Variants in SLC25A18 observed in about 807,000 individuals in gnomAD.
SLC25A18 encodes mitochondrial glutamate carrier 2.
In SLC25A18, 24 loss-of-function variants were observed where a neutral mutation model predicts 31.1. The observed-to-expected ratio is 0.77, with a 90% CI of 0.56 to 1.08. The LOEUF (loss-of-function observed/expected upper bound fraction) is 1.08. SLC25A18 is among the 50% of genes least tolerant of loss of function. SLC25A18 has a pLI of 0.00. For synonymous variants in SLC25A18, 173 were observed against 161.9 expected (o/e 1.07, Z -0.52); for missense variants, 371 against 418.5 (o/e 0.89, Z 0.99).
chr22:17,565,563 A>G (rs2056915047), intron 1 of SLC25A18, among the ~76,000 whole-genome samples: 1 of 151,814 alleles, frequency 6.6e-6, no homozygotes, highest in African/African-American at 2.4e-5. Context: ...GGTTTTTTTG[A>G]GTAATTTTTT....
chr22:17,583,467 G>GT lies in SLC25A18; in HGVS notation c.343dup (p.Cys115LeufsTer94). 1 of 1,614,140 alleles carries GT rather than the reference G, an allele frequency of 6.2e-7. No individual in the cohort carries two copies. Among genetic ancestry groups the GT allele is most frequent in the Non-Finnish European group, 8.5e-7 (1 of 1,180,024 alleles). On this transcript the variant is annotated frameshift_variant, in exon 7 of 11. Coordinates refer to ENST00000327451, the MANE Select transcript of SLC25A18 (RefSeq NM_031481.3). LOFTEE classifies it high-confidence loss of function. ...TGCTTGCCGGGTGTGGGGCTGGGAT[G>GT]TGCCAGGTCGTGGTGACCTGTCCCA... is the stretch of plus-strand genomic sequence containing the variant.
At chr22:17,587,357 A>G in intron 8 of SLC25A18, 56 bp downstream of exon 8, 2 of 1,548,428 alleles carry the variant, frequency 1.3e-6, no homozygotes, top group Non-Finnish European at 1.7e-6. Context: ...CACGAGGGCC[A>G]GAGAGCTGGT....
At chr22:17,583,631 C>T in intron 7 of SLC25A18, 97 bp downstream of exon 7, 1 of 1,475,750 alleles carries the variant, frequency 6.8e-7, no homozygotes, top group East Asian at 2.5e-5. Flanking sequence ...GCTGTGTGAC[C>T]AGTCAACTTT....
intron 2 of SLC25A18, among the ~76,000 whole-genome samples, chr22:17,572,551 T>G (rs555412115): frequency 6.6e-5 from 10 of 152,076 alleles, no homozygotes; most frequent in African/African-American, 2.4e-4. Context: ...CCCAGCACTT[T>G]GAGTGGTTGA....
chr22:17,580,669 A>AGT, intron 3 of SLC25A18: 2 of 1,026,288 alleles, frequency 1.9e-6, no homozygotes, highest in South Asian at 8.9e-5. Context: ...CCTGACCTTC[A>AGT]GTCCGTTTGT....
At chr22:17,577,826 G>A (rs905106249) in intron 2 of SLC25A18, among the ~76,000 whole-genome samples, 2 of 150,212 alleles carry the variant, frequency 1.3e-5, no homozygotes, top group Non-Finnish European at 3.0e-5. Context: ...TGATCCTCCC[G>A]CCACCATGCC....
chr22:17,570,626 A>G (rs1275241234), intron 2 of SLC25A18, among the ~76,000 whole-genome samples: 1 of 152,180 alleles, frequency 6.6e-6, no homozygotes, highest in East Asian at 1.9e-4. Context: ...CTGGGACTAC[A>G]GGTGCATGCC....
intron 2 of SLC25A18, among the ~76,000 whole-genome samples, chr22:17,573,760 C>T (rs1486839430): frequency 6.6e-6 from 1 of 152,156 alleles, no homozygotes; most frequent in Admixed American, 6.6e-5. Flanking sequence ...TGGACAGTCA[C>T]CAAGGCTCTC....
In SLC25A18 at chr22:17,585,649, TA is replaced by T. The variant is rs199701505; in HGVS notation, c.410-1486del. Among the ~76,000 whole-genome samples, 573 of 131,402 alleles carry T rather than the reference TA, an allele frequency of 4.4e-3. 5 individuals are homozygous for T. The highest frequency in any genetic ancestry group is 0.017 in the African/African-American group (532 of 31,426). The allele number at this position is 131,402 out of a possible 152,430, so 86.2% of individuals were successfully genotyped here. A position where few individuals can be genotyped will look rare whatever the true frequency, so the allele number is the denominator to read the frequency against. On this transcript the variant is annotated intron_variant, in intron 7 of 10. Transcript: ENST00000327451. Reference sequence around the variant, plus strand: ...TTATTTATTTTATTATTATTATTATTATTTTTTTTTTTTTTTTGAGGCAGAG... The same window carrying T: ...TTATTTATTTTATTATTATTATTATTTTTTTTTTTTTTTTTTGAGGCAGAG...
chr22:17,586,173 A>G (rs915110750), intron 7 of SLC25A18, among the ~76,000 whole-genome samples: 3 of 152,074 alleles, frequency 2.0e-5, no homozygotes, highest in African/African-American at 7.2e-5. Context: ...CGGGAATTTC[A>G]TGTATGTTCT....
At chr22:17,570,356 G>C (rs1381170878) in intron 2 of SLC25A18, 1 of 152,280 alleles carries the variant, frequency 6.6e-6, no homozygotes, top group Non-Finnish European at 1.5e-5. Flanking sequence ...GAATAAATGA[G>C]CACAGCTCTA....
intron 6 of SLC25A18, among the ~76,000 whole-genome samples, chr22:17,582,965 T>C (rs2057420740): frequency 6.6e-6 from 1 of 152,068 alleles, no homozygotes; most frequent in African/African-American, 2.4e-5. Context: ...ATCCCAGCAC[T>C]TTAGGAGGTT....
At chr22:17,570,433 T>TAA (rs2057055334) in intron 2 of SLC25A18, 1 of 152,268 alleles carries the variant, frequency 6.6e-6, no homozygotes, top group Non-Finnish European at 1.5e-5. Flanking sequence ...TGTGGCTTCT[T>TAA]GATTTGAGGA....
At chr22:17,584,469 GAGAAAGAA>G (rs1024411994) in intron 7 of SLC25A18, among the ~76,000 whole-genome samples, 6 of 121,696 alleles carry the variant, frequency 4.9e-5, no homozygotes, top group African/African-American at 1.5e-4. Flanking sequence ...GAGAGAGAGA[GAGAAAGAA>G]AGAAAGAAAG....
intron 3 of SLC25A18, chr22:17,580,225 C>G: frequency 2.5e-6 from 1 of 404,372 alleles, no homozygotes; most frequent in Non-Finnish European, 4.3e-6. Context: ...TTACAGTTCT[C>G]TTTATCGTCC....
rs1019632371 is a variant in SLC25A18, at chr22:17,579,771, C to G, written c.-174C>G. On this transcript the variant is annotated 5_prime_UTR_variant, in exon 3 of 11. Transcript: ENST00000327451. Reference sequence around the variant, plus strand: ...GGAGGAAGCCGCAGCCCAAGGAGGTCGTCACTTGCCGGGAAGGTGGCTCGG... The same window carrying G: ...GGAGGAAGCCGCAGCCCAAGGAGGTGGTCACTTGCCGGGAAGGTGGCTCGG... 5 of 1,408,926 alleles carry G rather than the reference C, an allele frequency of 3.5e-6. No homozygotes were observed. Among genetic ancestry groups the G allele is most frequent in the African/African-American group, 1.4e-5 (1 of 69,046 alleles). 87.3% of individuals were successfully genotyped at this position (1,408,926 alleles called of 1,614,324 possible).
intron 2 of SLC25A18, among the ~76,000 whole-genome samples, chr22:17,573,988 G>A (rs1046064114): frequency 1.3e-5 from 2 of 152,192 alleles, no homozygotes; most frequent in Admixed American, 6.5e-5. Flanking sequence ...CCGACACTTC[G>A]GGAGGTGGAG....
intron 1 of SLC25A18, among the ~76,000 whole-genome samples, chr22:17,568,200 T>TA (rs941605119): frequency 6.6e-6 from 1 of 151,376 alleles, no homozygotes; most frequent in African/African-American, 2.4e-5. Flanking sequence ...CCGTCTCTAC[T>TA]AAAAAAATAC....
intron 8 of SLC25A18, 121 bp downstream of exon 8, chr22:17,587,422 C>A: frequency 7.9e-7 from 1 of 1,259,380 alleles, no homozygotes; most frequent in Non-Finnish European, 1.1e-6. Flanking sequence ...GGTGAGCAAA[C>A]GATTTCCATG....
Sources: allele counts gnomAD v4.1 joint callset (sites outside exome capture counted in the v4.1 genomes callset), GRCh38; gene constraint gnomAD v4.1.1; transcripts MANE v1.5; gene names NCBI Gene and HGNC (gene_info 2026-07-23, HGNC 2026-07-21).